Variants in USP45 observed in about 807,000 individuals in gnomAD.
USP45 encodes ubiquitin specific peptidase 45, also known as ubiquitin carboxyl-terminal hydrolase 45.
Under a neutral mutation model 95.8 loss-of-function variants are expected in USP45, and 89 were observed. That is an observed-to-expected ratio of 0.93 (90% CI 0.78 to 1.11). The LOEUF is 1.11. Among genes scored for constraint, USP45 ranks in the 50% least tolerant of loss-of-function variants. USP45 has a pLI of 0.00. For missense variants in USP45, 898 were observed against 942.5 expected, an observed-to-expected ratio of 0.95 and a Z score of 0.62; for synonymous variants, 281 against 316.2, an observed-to-expected ratio of 0.89 and a Z score of 1.18.
intron 5 of USP45, among the ~76,000 whole-genome samples, chr6:99,490,119 G>A (rs1794837745): frequency 6.6e-6 from 1 of 152,068 alleles, no homozygotes; most frequent in South Asian, 2.1e-4. Flanking sequence ...GTTCTGAAAT[G>A]CTTTAGTTTT....
rs79266830 is a variant in USP45 at position 99,437,120 on chromosome 6, T to G, written c.2314+126A>C. 9.6e-6 allele frequency: 7 copies of G among 727,134 alleles called. No homozygotes were observed. In the Admixed American group the frequency reaches 1.8e-4, roughly 19 times the overall value. 45.0% of individuals were successfully genotyped at this position (727,134 alleles called of 1,614,324 possible). The stretch of plus-strand genomic sequence containing the variant: ...TCAATCAATCAATCAATCAATCAAT[T>G]AAGTTAAAATAAAGCAAGCAAGCAA... On this transcript the variant is annotated intron_variant, in intron 17 of 17. Transcript: ENST00000500704.
At chr6:99,514,031 T>C (rs978036479) in intron 1 of USP45, among the ~76,000 whole-genome samples, 1 of 152,192 alleles carries the variant, frequency 6.6e-6, no homozygotes, top group Non-Finnish European at 1.5e-5. Flanking sequence ...ACGGCACTTA[T>C]ATCCCTTACC....
intron 1 of USP45, among the ~76,000 whole-genome samples, chr6:99,511,149 T>C (rs1237423540): frequency 6.6e-6 from 1 of 151,530 alleles, no homozygotes; most frequent in African/African-American, 2.4e-5. Flanking sequence ...TGAACACTCA[T>C]ATACTAATTA....
chr6:99,439,373 C>T (rs888346017), intron 16 of USP45, among the ~76,000 whole-genome samples: 7 of 152,184 alleles, frequency 4.6e-5, no homozygotes, highest in Non-Finnish European at 8.8e-5. Flanking sequence ...TGAAGTGGCA[C>T]GAAAGACAAT....
rs142044423 is a variant in USP45 at position 99,446,224 on chromosome 6, C to A, written c.1548G>T (p.Gln516His). The change falls in exon 14 of 18, where the codon CAG becomes CAT. Residue 516 changes from glutamine (Q) to histidine (H), a missense_variant. Physicochemically the swap from Gln to His is conservative, Grantham distance 24 (BLOSUM62 0). Transcript: ENST00000500704. ...EPSESESASK[Q>H]TGLFRSSSGS... ...CACTACTGGATCTGAACAGCCCAGT[C>A]TGCTTTGAAGCACTTTCAGATTCTG... is the stretch of plus-strand genomic sequence containing the variant. 9.2e-4 allele frequency: 1,485 copies of A among 1,614,214 alleles called. 3 individuals carry two copies. The highest frequency in any genetic ancestry group is 1.2e-3 in the Non-Finnish European group (1,412 of 1,180,042).
At chr6:99,465,230 C>G in intron 11 of USP45, 94 bp from the exon 12 acceptor site, 1 of 1,048,848 alleles carries the variant, frequency 9.5e-7, no homozygotes, top group South Asian at 2.2e-5. Flanking sequence ...CCCGGGCAAC[C>G]TAAAATTTTA....
At chr6:99,481,241 G>A (rs919941581) in intron 8 of USP45, among the ~76,000 whole-genome samples, 4 of 152,188 alleles carry the variant, frequency 2.6e-5, no homozygotes, top group Non-Finnish European at 5.9e-5. Flanking sequence ...ATGGAAAGAT[G>A]TATAAAATAT....
chr6:99,444,615 G>A (rs956925325), intron 14 of USP45, among the ~76,000 whole-genome samples: 7 of 152,138 alleles, frequency 4.6e-5, no homozygotes, highest in Non-Finnish European at 1.0e-4. Flanking sequence ...TCCACTTGCT[G>A]TAATCACTCT....
chr6:99,443,694 AT>A, intron 14 of USP45, 32 bp from the exon 15 acceptor site: 1 of 1,353,222 alleles, frequency 7.4e-7, no homozygotes, highest in East Asian at 2.6e-5. Context: ...TATTTATAAA[AT>A]TCCATTTTAT....
rs184587429 is a variant in USP45, at chr6:99,434,552, T to C, written c.*1164A>G. On this transcript the variant is annotated 3_prime_UTR_variant, in exon 18 of 18. Coordinates refer to ENST00000500704, the MANE Select transcript of USP45 (RefSeq NM_001346022.3). ...AGTTTTGACAGCTCAATAATTTGTA[T>C]TCTAGAGGGGAAAAATGATATTTTT... is the stretch of plus-strand genomic sequence containing the variant. 1 of 152,252 alleles carries C rather than the reference T, an allele frequency of 6.6e-6. No homozygotes were observed. Among genetic ancestry groups the C allele is most frequent in the Admixed American group, 6.5e-5 (1 of 15,302 alleles). 9.4% of individuals were successfully genotyped at this position (152,252 alleles called of 1,614,324 possible). A position where few individuals can be genotyped will look rare whatever the true frequency, so the allele number is the denominator to read the frequency against.
At chr6:99,468,681 T>C in intron 9 of USP45, 63 bp from the exon 10 acceptor site, 3 of 1,113,554 alleles carry the variant, frequency 2.7e-6, no homozygotes, top group South Asian at 1.5e-5. Flanking sequence ...ATCCTCCTAA[T>C]AAAAGTACTT....
chr6:99,474,927 G>GTATC (rs1790428262), intron 9 of USP45, among the ~76,000 whole-genome samples: 1 of 152,132 alleles, frequency 6.6e-6, no homozygotes, highest in African/African-American at 2.4e-5. Context: ...ATCAGTTAGG[G>GTATC]GATAGGCCTA....
intron 5 of USP45, among the ~76,000 whole-genome samples, chr6:99,491,907 A>G (rs776272961): frequency 2.0e-5 from 3 of 152,110 alleles, no homozygotes; most frequent in Non-Finnish European, 4.4e-5. Context: ...TATACTTATG[A>G]AATATATATA....
At position 99,436,003 on chromosome 6, in the gene USP45, CT is replaced by C. The variant is rs898462389; in HGVS notation, c.2315-158del. On this transcript the variant is annotated intron_variant, in intron 17 of 17. Transcript: ENST00000500704. ...TGGGTTAAGCATTTTCCAAAAAGAA[CT>C]TTTTTTTTTTTAAATTATATTTTTA... 3.8e-3 allele frequency among the ~76,000 whole-genome samples: 558 copies of C among 147,562 alleles called. 4 individuals carry two copies. Among genetic ancestry groups the C allele is most frequent in the African/African-American group, 0.012 (464 of 40,284 alleles).
At chr6:99,503,941 T>C in intron 4 of USP45, 76 bp from the exon 5 acceptor site, 3 of 1,060,936 alleles carry the variant, frequency 2.8e-6, no homozygotes, top group Non-Finnish European at 4.0e-6. Context: ...ACAAAGTTGG[T>C]ATTTAGTTAC....
chr6:99,474,112 TAAAGA>T (rs1213155723), intron 9 of USP45, among the ~76,000 whole-genome samples: 2 of 152,208 alleles, frequency 1.3e-5, no homozygotes, highest in African/African-American at 4.8e-5. Flanking sequence ...AAGGAAACTT[TAAAGA>T]AAATATTAGA....
At chr6:99,474,876 T>C (rs899967609) in intron 9 of USP45, among the ~76,000 whole-genome samples, 9 of 152,140 alleles carry the variant, frequency 5.9e-5, no homozygotes, top group African/African-American at 1.4e-4. Context: ...CCAGAAGAAG[T>C]TGAATTTAAC....
At chr6:99,450,768 C>T (rs190100646) in intron 13 of USP45, among the ~76,000 whole-genome samples, 6,589 of 152,108 alleles carry the variant, frequency 0.043, 333 homozygotes, top group East Asian at 0.28. Context: ...TGATGAACAT[C>T]GATGCAAAAA....
At position 99,452,226 on chromosome 6, in the gene USP45, C is replaced by T. The variant is rs139225806; in HGVS notation, c.1309-5763G>A. Among the ~76,000 whole-genome samples, 512 of 152,232 alleles carry T rather than the reference C, an allele frequency of 3.4e-3. 3 individuals are homozygous for T. The highest frequency in any genetic ancestry group is 5.6e-3 in the Non-Finnish European group (384 of 68,006). ...GCTTCTGCACATGAAAAGAAACTAC[C>T]ATCAGAGTGAACAGGCAACCTACAG... On this transcript the variant is annotated intron_variant, in intron 13 of 17. Transcript: ENST00000500704.
Sources: gnomAD v4.1 joint callset for allele counts (sites outside exome capture counted in the v4.1 genomes callset) on GRCh38, gnomAD v4.1.1 for gene constraint, MANE v1.5 for transcripts, NCBI Gene and HGNC (gene_info 2026-07-23, HGNC 2026-07-21) for gene names.